Variants in NCOA2 observed in about 807,000 individuals in gnomAD.
NCOA2 encodes the protein class E basic helix-loop-helix protein 75.
NCOA2 carries 21 observed loss-of-function variants against 145.1 expected under a neutral mutation model. The ratio of observed to expected loss-of-function variants is 0.14; its 90% CI spans 0.10 to 0.21. NCOA2 has a LOEUF of 0.21. Ranked by LOEUF, NCOA2 falls within the 10% of genes least tolerant of loss-of-function variation. The pLI, the probability that NCOA2 is intolerant of heterozygous loss-of-function variation, is 1.00. For synonymous variants in NCOA2, 619 were observed against 637.5 expected, an observed-to-expected ratio of 0.97 and a Z score of 0.44; for missense variants, 1,472 against 1,837.6, an observed-to-expected ratio of 0.80 and a Z score of 3.64.
intron 7 of NCOA2, among the ~76,000 whole-genome samples, chr8:70,164,079 A>C (rs1351411296): frequency 1.3e-5 from 2 of 152,198 alleles, no homozygotes; most frequent in Non-Finnish European, 2.9e-5. Flanking sequence ...ATGCAATTTA[A>C]AGCAAAGAAT....
At chr8:70,220,073 T>C (rs1415914005) in intron 2 of NCOA2, among the ~76,000 whole-genome samples, 1 of 152,224 alleles carries the variant, frequency 6.6e-6, no homozygotes, top group Admixed American at 6.5e-5. Flanking sequence ...AAATAAACTC[T>C]ATGGACAGAG....
chr8:70,139,814 G>A (rs1004649431), intron 14 of NCOA2, among the ~76,000 whole-genome samples: 45 of 151,566 alleles, frequency 3.0e-4, no homozygotes, highest in Admixed American at 1.6e-3. Context: ...CACCACCCCC[G>A]GCTAATTTTT....
rs1814099984 is a variant in NCOA2 at position 70,170,263 on chromosome 8, A to G, written c.480T>C (p.Tyr160=). ...NQEELMNKSV[Y]SILHVGDHTE... is the part of the protein sequence containing the mutation. Reference sequence around the variant, plus strand: ...TGTGGTCCCCAACATGCAAGATGCTATATACACTTTTGTTCATCAGCTCTT... The same window carrying G: ...TGTGGTCCCCAACATGCAAGATGCTGTATACACTTTTGTTCATCAGCTCTT... The change falls in exon 6 of 23, where the codon TAT becomes TAC. Residue 160 remains tyrosine, a synonymous_variant. Coordinates refer to ENST00000452400, the MANE Select transcript of NCOA2 (RefSeq NM_006540.4). 1.2e-6 allele frequency: 2 copies of G among 1,613,268 alleles called. No individual in the cohort carries two copies. The highest frequency in any genetic ancestry group is 2.2e-5 in the South Asian group (2 of 90,822).
At chr8:70,189,562 C>T (rs1277721258) in intron 4 of NCOA2, among the ~76,000 whole-genome samples, 1 of 152,184 alleles carries the variant, frequency 6.6e-6, no homozygotes, top group Non-Finnish European at 1.5e-5. Context: ...ACAGGCTGTA[C>T]AGCAGCAACT....
At chr8:70,248,274 T>C (rs750018308) in intron 2 of NCOA2, among the ~76,000 whole-genome samples, 3 of 152,202 alleles carry the variant, frequency 2.0e-5, no homozygotes, top group Non-Finnish European at 4.4e-5. Flanking sequence ...TAAAGTTCAA[T>C]AGTTGAGACA....
intron 2 of NCOA2, among the ~76,000 whole-genome samples, chr8:70,270,965 A>G (rs1369240230): frequency 2.0e-5 from 3 of 152,252 alleles, no homozygotes; most frequent in Non-Finnish European, 4.4e-5. Context: ...ATGATGAATT[A>G]TATGAATTTT....
chr8:70,267,372 T>C (rs1403774620), intron 2 of NCOA2, among the ~76,000 whole-genome samples: 7 of 150,140 alleles, frequency 4.7e-5, no homozygotes, highest in Non-Finnish European at 4.4e-5. Context: ...GAAGAGCTAA[T>C]AAAGATCTGT....
chr8:70,255,358 A>G (rs1483876439), intron 2 of NCOA2, among the ~76,000 whole-genome samples: 1 of 152,244 alleles, frequency 6.6e-6, no homozygotes, highest in Admixed American at 6.5e-5. Flanking sequence ...AAACTCACAA[A>G]AAGTGTAGAA....
At chr8:70,186,270 G>A (rs1479898466) in intron 4 of NCOA2, among the ~76,000 whole-genome samples, 2 of 152,130 alleles carry the variant, frequency 1.3e-5, no homozygotes, top group Non-Finnish European at 1.5e-5. Context: ...ACTACATAAA[G>A]AATAATATTT....
At chr8:70,421,128 T>C in the NCOA2 span, among the ~76,000 whole-genome samples, 8 of 152,140 alleles carry the variant, frequency 5.3e-5, no homozygotes, top group Admixed American at 4.6e-4. Context: ...CAAAAAATAC[T>C]GTGTAGGCAG....
the NCOA2 span, among the ~76,000 whole-genome samples, chr8:70,432,710 T>C: frequency 2.0e-5 from 3 of 151,850 alleles, no homozygotes; most frequent in African/African-American, 2.4e-5. Context: ...AATCCTAGGG[T>C]TCACTCACAA....
chr8:70,113,546 G>A lies in NCOA2; in HGVS notation c.*86C>T. The A allele has an allele frequency of 6.1e-6, 9 of 1,478,110 alleles. No individual in the cohort carries two copies. Among genetic ancestry groups the A allele is most frequent in the Non-Finnish European group, 8.3e-6 (9 of 1,080,844 alleles). The allele number at this position is 1,478,110 out of a possible 1,614,324, so 91.6% of individuals were successfully genotyped here. On this transcript the variant is annotated 3_prime_UTR_variant, in exon 23 of 23. Coordinates refer to ENST00000452400, the MANE Select transcript of NCOA2 (RefSeq NM_006540.4). The stretch of plus-strand genomic sequence containing the variant: ...AACCGGCTGGCAGGTCAGTTGGGTT[G>A]AAACAAATAGACACAGCTCTCCAGA...
At chr8:70,301,237 T>C (rs1827464818) in intron 1 of NCOA2, among the ~76,000 whole-genome samples, 1 of 152,206 alleles carries the variant, frequency 6.6e-6, no homozygotes, top group African/African-American at 2.4e-5. Flanking sequence ...CTTGCACCTT[T>C]GGCAGACACT....
At chr8:70,440,075 C>T in the NCOA2 span, among the ~76,000 whole-genome samples, 2 of 152,022 alleles carry the variant, frequency 1.3e-5, no homozygotes, top group African/African-American at 2.4e-5. Context: ...TTGTTAGAAA[C>T]GAGGATCGAG....
the NCOA2 span, chr8:70,424,592 G>T: frequency 4.2e-6 from 2 of 476,012 alleles, no homozygotes; most frequent in Admixed American, 2.2e-5. Flanking sequence ...CAGCACAAGC[G>T]GCGGTGTGCA....
intron 1 of NCOA2, among the ~76,000 whole-genome samples, chr8:70,393,937 T>C (rs1441557134): frequency 1.3e-5 from 2 of 152,192 alleles, no homozygotes; most frequent in Admixed American, 1.3e-4. Context: ...TGTCAGTAAG[T>C]TCAGTCAGCG....
At chr8:70,332,956 G>A (rs1807240351) in intron 1 of NCOA2, among the ~76,000 whole-genome samples, 1 of 152,128 alleles carries the variant, frequency 6.6e-6, no homozygotes, top group Admixed American at 6.6e-5. Flanking sequence ...TACCAGATTA[G>A]GCCTGAAAGG....
At chr8:70,164,581 A>G (rs1813405929) in intron 7 of NCOA2, among the ~76,000 whole-genome samples, 1 of 152,066 alleles carries the variant, frequency 6.6e-6, no homozygotes, top group Non-Finnish European at 1.5e-5. Flanking sequence ...TTCACTAACT[A>G]CTATAGGACC....
the NCOA2 span, among the ~76,000 whole-genome samples, chr8:70,433,344 A>T: frequency 9.2e-6 from 1 of 108,300 alleles, no homozygotes; most frequent in Non-Finnish European, 2.1e-5. Context: ...GAAGTACACT[A>T]AAAAAAAAAA....
Sources: gnomAD v4.1 joint callset for allele counts (sites outside exome capture counted in the v4.1 genomes callset) on GRCh38, gnomAD v4.1.1 for gene constraint, MANE v1.5 for transcripts, NCBI Gene and HGNC (gene_info 2026-07-23, HGNC 2026-07-21) for gene names.